Variants in SCAF4 observed in about 807,000 individuals in gnomAD.
SCAF4 encodes the protein SR-related and CTD-associated factor 4.
In SCAF4, 25 loss-of-function variants were observed where a neutral mutation model predicts 129.8. The observed-to-expected ratio is 0.19, with a 90% confidence interval of 0.14 to 0.27. The LOEUF (loss-of-function observed/expected upper bound fraction) is 0.27. SCAF4 is among the 10% of genes least tolerant of loss of function. SCAF4 has a pLI of 1.00. For synonymous variants in SCAF4, 551 were observed against 497.7 expected (o/e 1.11, Z -1.43); for missense variants, 1,246 against 1,457.1 (o/e 0.86, Z 2.36).
intron 19 of SCAF4, among the ~76,000 whole-genome samples, chr21:31,677,653 T>C (rs967932065): frequency 1.3e-5 from 2 of 152,158 alleles, no homozygotes; most frequent in Admixed American, 6.5e-5. Flanking sequence ...CTCCCCCTCT[T>C]TCCTGCCTAG....
At chr21:31,687,097 C>T (rs1284118804) in intron 16 of SCAF4, among the ~76,000 whole-genome samples, 4 of 152,296 alleles carry the variant, frequency 2.6e-5, no homozygotes, top group Admixed American at 2.0e-4. Context: ...CCAAAGCATA[C>T]AGTTTTCCCC....
intron 1 of SCAF4, among the ~76,000 whole-genome samples, chr21:31,713,852 A>G (rs749855049): frequency 6.6e-6 from 1 of 152,168 alleles, no homozygotes; most frequent in African/African-American, 2.4e-5. Flanking sequence ...CAGAGTAGAC[A>G]ACAGATTCAA....
chr21:31,671,509 C>T lies in SCAF4; in HGVS notation c.3334G>A (p.Gly1112Arg). Residue 1112 changes from glycine (G) to arginine (R), a missense_variant, in exon 20 of 20, where the codon GGG becomes AGG. Physicochemically the swap from Gly to Arg is moderately radical, Grantham distance 125. Around this residue, in one of 6 missense-constraint regions of SCAF4, gnomAD observed 339 missense variants for 325.0 expected, o/e 1.04. Coordinates refer to ENST00000286835, the MANE Select transcript of SCAF4 (RefSeq NM_020706.2). ...TTTAGGACTGCAGCCTCAGACACCC[C>T]CTTCTCAAGTTCTGAAGCAGTGTCT... ...NVDTASELEK[G>R]VSEAAVLKPS... is the part of the protein sequence containing the mutation. The T allele has an allele frequency of 6.2e-7, 1 of 1,614,162 alleles. No individual in the cohort carries two copies. Among genetic ancestry groups the T allele is most frequent in the Non-Finnish European group, 8.5e-7 (1 of 1,180,018 alleles).
intron 1 of SCAF4, among the ~76,000 whole-genome samples, chr21:31,708,116 G>A (rs762634693): frequency 7.4e-4 from 113 of 152,034 alleles, no homozygotes; most frequent in Non-Finnish European, 1.0e-3. Context: ...GGCCAGGCGC[G>A]GTGGCTCATG....
chr21:31,687,346 T>C (rs1463116470), intron 16 of SCAF4, among the ~76,000 whole-genome samples: 2 of 152,086 alleles, frequency 1.3e-5, no homozygotes, highest in African/African-American at 4.8e-5. Flanking sequence ...AAAACAACTC[T>C]AACACATGAG....
At chr21:31,709,124 TCTC>T (rs1487184274) in intron 1 of SCAF4, among the ~76,000 whole-genome samples, 1 of 152,128 alleles carries the variant, frequency 6.6e-6, no homozygotes, top group African/African-American at 2.4e-5. Flanking sequence ...CCTGATCCCT[TCTC>T]CTCATTTCCT....
chr21:31,676,918 C>A (rs1416373962), intron 19 of SCAF4, among the ~76,000 whole-genome samples: 1 of 152,078 alleles, frequency 6.6e-6, no homozygotes. Flanking sequence ...GTGGGTTTAC[C>A]TATTAACATT....
intron 6 of SCAF4, 53 bp from the exon 7 acceptor site, chr21:31,701,224 C>A: frequency 7.1e-7 from 1 of 1,417,204 alleles, no homozygotes; most frequent in Non-Finnish European, 9.5e-7. Flanking sequence ...ATCATACTAT[C>A]AAAAGTTAAT....
intron 1 of SCAF4, among the ~76,000 whole-genome samples, chr21:31,722,572 C>A (rs971816378): frequency 2.0e-5 from 3 of 152,152 alleles, no homozygotes; most frequent in East Asian, 1.9e-4. Flanking sequence ...ACGTGAATAT[C>A]AAAAGTGGTT....
intron 8 of SCAF4, 129 bp from the exon 9 acceptor site, chr21:31,696,350 T>G: frequency 1.4e-6 from 1 of 725,562 alleles, no homozygotes; most frequent in Non-Finnish European, 2.2e-6. Context: ...ACCTATATAT[T>G]AAATTTAATT....
chr21:31,718,004 C>T (rs1210294716), intron 1 of SCAF4, among the ~76,000 whole-genome samples: 2 of 152,016 alleles, frequency 1.3e-5, no homozygotes, highest in African/African-American at 2.4e-5. Flanking sequence ...AGTGCAATGG[C>T]GCGATCTCGG....
chr21:31,706,378 C>T, intron 1 of SCAF4, 21 bp from the exon 2 acceptor site: 1 of 1,525,750 alleles, frequency 6.6e-7, no homozygotes, highest in Non-Finnish European at 9.0e-7. Context: ...AAAAAACAAA[C>T]AAAAAGTAAA....
chr21:31,720,444 A>G (rs1400938964), intron 1 of SCAF4, among the ~76,000 whole-genome samples: 2 of 152,222 alleles, frequency 1.3e-5, no homozygotes, highest in Non-Finnish European at 2.9e-5. Context: ...TTTGATAGTT[A>G]TCACTTGCTA....
chr21:31,703,082 A>G (rs1278020743), intron 4 of SCAF4, among the ~76,000 whole-genome samples: 1 of 152,130 alleles, frequency 6.6e-6, no homozygotes, highest in Non-Finnish European at 1.5e-5. Flanking sequence ...AACTGTATAT[A>G]TAAGGAATTA....
intron 1 of SCAF4, among the ~76,000 whole-genome samples, chr21:31,717,900 T>TACACAC (rs1227041267): frequency 1.0e-4 from 8 of 78,588 alleles, no homozygotes; most frequent in Admixed American, 2.7e-4. Flanking sequence ...TATATACACA[T>TACACAC]ATATACACAC....
At position 31,671,515 on chromosome 21, in the gene SCAF4, C is replaced by CA. The variant is rs2049692537; in HGVS notation, c.3327dup (p.Glu1110Ter). On this transcript the variant is annotated frameshift_variant, in exon 20 of 20. Coordinates refer to ENST00000286835, the MANE Select transcript of SCAF4 (RefSeq NM_020706.2). LOFTEE classifies it high-confidence loss of function. ...ACTGCAGCCTCAGACACCCCCTTCT[C>CA]AAGTTCTGAAGCAGTGTCTACATTT... is the stretch of plus-strand genomic sequence containing the variant. 1.2e-6 allele frequency: 2 copies of CA among 1,614,082 alleles called. No homozygotes were observed. Among genetic ancestry groups the CA allele is most frequent in the Non-Finnish European group, 1.7e-6 (2 of 1,180,018 alleles).
At chr21:31,728,448 C>T (rs1242342184) in intron 1 of SCAF4, among the ~76,000 whole-genome samples, 2 of 152,152 alleles carry the variant, frequency 1.3e-5, no homozygotes, top group East Asian at 3.8e-4. Flanking sequence ...ATTTCAGTGG[C>T]CAAGTCCCCT....
At chr21:31,688,220 C>T (rs1031633422) in intron 16 of SCAF4, 87 bp downstream of exon 16, 29 of 1,116,272 alleles carry the variant, frequency 2.6e-5, no homozygotes, top group Admixed American at 8.0e-5. Context: ...ATGTTTTTTA[C>T]TATGAATCCA....
At chr21:31,674,584 T>TA (rs2049802260) in intron 19 of SCAF4, among the ~76,000 whole-genome samples, 2 of 152,334 alleles carry the variant, frequency 1.3e-5, no homozygotes, top group East Asian at 3.9e-4. Flanking sequence ...GTAATGCTTT[T>TA]ATAACCAGTT....
Sources: gnomAD v4.1 joint callset for allele counts (sites outside exome capture counted in the v4.1 genomes callset) on GRCh38, gnomAD v4.1.1 for gene constraint, gnomAD v4.1.1 regional missense constraint, MANE v1.5 for transcripts, NCBI Gene and HGNC (gene_info 2026-07-23, HGNC 2026-07-21) for gene names.